The following ENPEP variants were observed in gnomAD, a reference collection of about 807,000 sequenced individuals.
The protein encoded by ENPEP is AP-A.
A neutral mutation model predicts 114.5 loss-of-function variants in ENPEP; 103 were observed. The observed-to-expected ratio is 0.90, with a 90% CI of 0.77 to 1.06. ENPEP has a LOEUF of 1.06. Ranked by LOEUF, ENPEP falls within the 50% of genes least tolerant of loss-of-function variation. The pLI, the probability that ENPEP is intolerant of heterozygous loss-of-function variation, is 0.00. For missense variants in ENPEP, 1,196 were observed against 1,161.3 expected, an observed-to-expected ratio of 1.03 and a Z score of -0.43; for synonymous variants, 420 against 422.0, an observed-to-expected ratio of 1.00 and a Z score of 0.06.
intron 18 of ENPEP, among the ~76,000 whole-genome samples, chr4:110,557,758 G>A (rs1727529055): frequency 6.6e-6 from 1 of 152,098 alleles, no homozygotes; most frequent in South Asian, 2.1e-4. Flanking sequence ...ATGACATTAG[G>A]GATGAAAAAA....
At chr4:110,506,817 A>G (rs1278273161) in intron 4 of ENPEP, 60 bp downstream of exon 4, 1 of 1,288,922 alleles carries the variant, frequency 7.8e-7, no homozygotes, top group Non-Finnish European at 1.1e-6. Context: ...ATCTAAGTTA[A>G]CTCATTTCTT....
At chr4:110,544,100 A>G (rs17041886) in intron 13 of ENPEP, among the ~76,000 whole-genome samples, 1,968 of 152,018 alleles carry the variant, frequency 0.013, 28 homozygotes, top group African/African-American at 0.045. Flanking sequence ...AAGTCAGAAA[A>G]CCTTGACATA....
At chr4:110,482,635 G>A (rs1724354697) in intron 1 of ENPEP, among the ~76,000 whole-genome samples, 1 of 152,152 alleles carries the variant, frequency 6.6e-6, no homozygotes, top group Non-Finnish European at 1.5e-5. Context: ...TGAAATTTTT[G>A]TCGTATGTCA....
In ENPEP at chr4:110,559,658, A is replaced by G. The variant is rs1727611633; in HGVS notation, c.2654A>G (p.Asn885Ser). 3 of 1,613,186 alleles carry G rather than the reference A, an allele frequency of 1.9e-6. No individual in the cohort carries two copies. Among genetic ancestry groups the G allele is most frequent in the East Asian group, 2.2e-5 (1 of 44,870 alleles). The change falls in exon 19 of 20, where the codon AAT (asparagine) becomes AGT (serine). Residue 885 changes from asparagine to serine, a missense_variant. By Grantham distance (46) the Asn-to-Ser change is conservative (BLOSUM62 1). Coordinates refer to ENST00000265162, the MANE Select transcript of ENPEP (RefSeq NM_001977.4). ...AAATTTCTCTCCAGATATACACTCA[A>G]TAACAGAAACCTTGGCCGAATTGTC... ...WDYLVNRYTL[N>S]NRNLGRIVTI...
intron 4 of ENPEP, 64 bp from the exon 5 acceptor site, chr4:110,509,589 G>C: frequency 1.3e-6 from 2 of 1,530,784 alleles, no homozygotes; most frequent in Non-Finnish European, 1.8e-6. Context: ...ACTTAATTTG[G>C]TAAGAAAAGC....
intron 3 of ENPEP, among the ~76,000 whole-genome samples, chr4:110,492,942 A>T (rs1015888891): frequency 6.6e-6 from 1 of 152,218 alleles, no homozygotes; most frequent in African/African-American, 2.4e-5. Context: ...CATTCTGAGC[A>T]AATTTTTCTA....
intron 18 of ENPEP, among the ~76,000 whole-genome samples, chr4:110,558,032 A>ATTTT (rs201439917): frequency 2.0e-4 from 21 of 103,208 alleles, no homozygotes; most frequent in African/African-American, 7.3e-4. Context: ...ATATGGTAGG[A>ATTTT]TTTTTTTTTT....
chr4:110,556,080 G>T (rs1727457124), intron 18 of ENPEP, among the ~76,000 whole-genome samples: 1 of 151,832 alleles, frequency 6.6e-6, no homozygotes, highest in African/African-American at 2.4e-5. Context: ...AGAAATTATA[G>T]AAGGTCACTG....
chr4:110,543,221 T>C, intron 13 of ENPEP, 151 bp downstream of exon 13: 1 of 769,244 alleles, frequency 1.3e-6, no homozygotes, highest in Non-Finnish European at 2.1e-6. Context: ...CTTAACTCTC[T>C]TTTCAAAAGT....
intron 3 of ENPEP, among the ~76,000 whole-genome samples, chr4:110,499,384 A>G (rs1222830586): frequency 6.6e-6 from 1 of 152,228 alleles, no homozygotes; most frequent in Non-Finnish European, 1.5e-5. Context: ...AGGCAGCATG[A>G]TATGTGAAAA....
intron 10 of ENPEP, among the ~76,000 whole-genome samples, 158 bp from the exon 11 acceptor site, chr4:110,531,040 C>A (rs554956935): frequency 6.6e-6 from 1 of 152,206 alleles, no homozygotes; most frequent in African/African-American, 2.4e-5. Context: ...TTATCTTCAT[C>A]ACTAAAATGT....
At chr4:110,540,595 C>A (rs1168451767) in intron 11 of ENPEP, among the ~76,000 whole-genome samples, 1 of 152,132 alleles carries the variant, frequency 6.6e-6, no homozygotes, top group African/African-American at 2.4e-5. Flanking sequence ...CTACTGACTT[C>A]CTGGATCTCA....
At chr4:110,542,282 T>C (rs1354336821) in intron 11 of ENPEP, among the ~76,000 whole-genome samples, 1 of 152,126 alleles carries the variant, frequency 6.6e-6, no homozygotes, top group Non-Finnish European at 1.5e-5. Context: ...TCAATGTTGA[T>C]TTTAATAAAC....
rs1346674906 is a variant in ENPEP, at chr4:110,476,217, C to G, written c.-198C>G. 1.2e-5 allele frequency: 7 copies of G among 594,692 alleles called. No individual in the cohort carries two copies. The highest frequency in any genetic ancestry group is 1.9e-5 in the Non-Finnish European group (7 of 361,156). 36.8% of individuals were successfully genotyped at this position (594,692 alleles called of 1,614,324 possible). ...GTCCTCATTCCACCCCCCTTGTTTC[C>G]GCATTCATCCTGAGTGGCTGGTGGG... On this transcript the variant is annotated 5_prime_UTR_variant, in exon 1 of 20. Transcript: ENST00000265162.
chr4:110,486,897 G>A (rs1724525201), intron 1 of ENPEP, among the ~76,000 whole-genome samples: 1 of 152,158 alleles, frequency 6.6e-6, no homozygotes, highest in African/African-American at 2.4e-5. Flanking sequence ...GAACATTTGG[G>A]GATCAGAGTT....
intron 3 of ENPEP, among the ~76,000 whole-genome samples, chr4:110,495,903 G>C (rs1391513330): frequency 6.6e-6 from 1 of 152,148 alleles, no homozygotes; most frequent in East Asian, 1.9e-4. Context: ...CTCTAGTCAA[G>C]TTTTCCTTGG....
At chr4:110,481,124 A>T (rs1724298525) in intron 1 of ENPEP, among the ~76,000 whole-genome samples, 1 of 152,198 alleles carries the variant, frequency 6.6e-6, no homozygotes, top group Non-Finnish European at 1.5e-5. Flanking sequence ...TTCTAGTTGC[A>T]TGGGGATCTT....
chr4:110,506,802 T>C, intron 4 of ENPEP, 45 bp downstream of exon 4: 1 of 1,379,552 alleles, frequency 7.2e-7, no homozygotes, highest in Non-Finnish European at 9.9e-7. Context: ...ATTGCCTTTG[T>C]TTTTATCTAA....
intron 18 of ENPEP, among the ~76,000 whole-genome samples, chr4:110,558,172 G>A (rs1426853624): frequency 6.8e-6 from 1 of 148,044 alleles, no homozygotes; most frequent in African/African-American, 2.5e-5. Context: ...CAGTATAAAA[G>A]TTTTTAATTT....
Sources: allele counts gnomAD v4.1 joint callset (sites outside exome capture counted in the v4.1 genomes callset), GRCh38; gene constraint gnomAD v4.1.1; transcripts MANE v1.5; gene names NCBI Gene and HGNC (gene_info 2026-07-23, HGNC 2026-07-21).